The following ROBO2 variants were observed in gnomAD, a reference collection of about 807,000 sequenced individuals.
ROBO2 encodes roundabout guidance receptor 2.
ROBO2 carries 53 observed loss-of-function variants against 160.8 expected under a neutral mutation model. The ratio of observed to expected loss-of-function variants is 0.33; its 90% confidence interval spans 0.26 to 0.41. The LOEUF (loss-of-function observed/expected upper bound fraction) is 0.41. Among genes scored for constraint, ROBO2 ranks in the 10% least tolerant of loss-of-function variants. ROBO2 has a pLI of 1.00. For synonymous variants in ROBO2, 664 were observed against 611.7 expected (o/e 1.09, Z -1.26); for missense variants, 1,577 against 1,722.4 (o/e 0.92, Z 1.49).
chr3:76,677,449 C>T (rs768703853), intron 2 of ROBO2, among the ~76,000 whole-genome samples: 44 of 152,154 alleles, frequency 2.9e-4, no homozygotes, highest in Admixed American at 6.5e-4. Context: ...TTTCTCTAAA[C>T]GTCCCACATG....
chr3:77,123,699 ATG>A (rs1331129742), intron 2 of ROBO2, among the ~76,000 whole-genome samples: 5 of 148,310 alleles, frequency 3.4e-5, no homozygotes, highest in Admixed American at 6.8e-5. Flanking sequence ...ATATATATAT[ATG>A]TATCTATATA....
chr3:76,437,965 C>T (rs547893394), intron 2 of ROBO2, among the ~76,000 whole-genome samples: 8 of 152,226 alleles, frequency 5.3e-5, no homozygotes, highest in African/African-American at 1.9e-4. Flanking sequence ...AAAATGTAAG[C>T]GTGCTCTTGA....
intron 1 of ROBO2, among the ~76,000 whole-genome samples, chr3:77,044,058 T>C (rs978562426): frequency 3.9e-5 from 6 of 152,102 alleles, no homozygotes; most frequent in Admixed American, 3.3e-4. Context: ...TTTGAAGCTA[T>C]GCAGTAATAC....
At position 76,197,587 on chromosome 3, in the gene ROBO2, CATAAA is replaced by C. The variant is rs1234750246; in HGVS notation, c.109+259993_109+259997del. Among the ~76,000 whole-genome samples the C allele has an allele frequency of 2.6e-5, 4 of 152,112 alleles. No individual in the cohort carries two copies. The East Asian group carries it at 5.8e-4, about 22-fold the overall frequency. ...GGGACTGGATATAATATACTTTAAA[CATAAA>C]ATAAAATTATTGTTATTACCAGTAT... On this transcript the variant is annotated intron_variant, in intron 2 of 26. Coordinates refer to the ROBO2 transcript ENST00000487694.
At chr3:77,261,778 T>A (rs2058791401) in intron 2 of ROBO2, among the ~76,000 whole-genome samples, 1 of 151,806 alleles carries the variant, frequency 6.6e-6, no homozygotes, top group South Asian at 2.1e-4. Context: ...ATTTTTTTTT[T>A]TTTTTTTGTA....
At chr3:76,036,857 T>C (rs2067126402) in intron 2 of ROBO2, among the ~76,000 whole-genome samples, 1 of 152,210 alleles carries the variant, frequency 6.6e-6, no homozygotes, top group African/African-American at 2.4e-5. Flanking sequence ...TATTTATCCC[T>C]GTAGATCTCT....
In ROBO2 at chr3:75,958,305, A is replaced by G. The variant is rs541854673; in HGVS notation, c.109+20703A>G. On this transcript the variant is annotated intron_variant, in intron 2 of 26. Coordinates refer to the ROBO2 transcript ENST00000487694. ...CAATCACTCCTTTAGTTTTTCATTTATTTCACAAACATTCATTGACACTTA... is the reference window on the plus strand; with the variant it reads ...CAATCACTCCTTTAGTTTTTCATTTGTTTCACAAACATTCATTGACACTTA... 2.0e-5 allele frequency among the ~76,000 whole-genome samples: 3 copies of G among 151,854 alleles called. No individual in the cohort carries two copies. In the South Asian group the frequency reaches 6.2e-4, roughly 31 times the overall value.
At chr3:76,376,411 C>G (rs142692905) in intron 2 of ROBO2, among the ~76,000 whole-genome samples, 1 of 152,180 alleles carries the variant, frequency 6.6e-6, no homozygotes, top group African/African-American at 2.4e-5. Context: ...CCCAAGTCAT[C>G]TATTTGAACA....
At chr3:77,318,923 G>C (rs1054223076) in intron 2 of ROBO2, among the ~76,000 whole-genome samples, 7 of 152,130 alleles carry the variant, frequency 4.6e-5, no homozygotes, top group African/African-American at 1.7e-4. Flanking sequence ...TAGTGCATTT[G>C]AGACTCTTTT....
intron 2 of ROBO2, among the ~76,000 whole-genome samples, chr3:76,118,103 C>A (rs1012408340): frequency 4.6e-5 from 7 of 152,152 alleles, no homozygotes; most frequent in South Asian, 2.1e-4. Context: ...TGTAACAAAC[C>A]TGCACGTTGT....
intron 2 of ROBO2, among the ~76,000 whole-genome samples, chr3:76,654,929 T>TATATATATATATA (rs5850279): frequency 0.012 from 1,632 of 141,270 alleles, 18 homozygotes; most frequent in Non-Finnish European, 0.017. Context: ...ATATATATAT[T>TATATATATATATA]TATATATATA....
chr3:76,882,085 G>A (rs1331731544), intron 2 of ROBO2, among the ~76,000 whole-genome samples: 2 of 120,400 alleles, frequency 1.7e-5, no homozygotes, highest in Non-Finnish European at 3.5e-5. Flanking sequence ...TCGTAGGTTG[G>A]TTGTGTGTGT....
intron 1 of ROBO2, among the ~76,000 whole-genome samples, chr3:75,927,357 G>T (rs1308469498): frequency 6.6e-6 from 1 of 152,124 alleles, no homozygotes; most frequent in African/African-American, 2.4e-5. Context: ...AATTTCTGTT[G>T]TTAAATTTAC....
intron 2 of ROBO2, among the ~76,000 whole-genome samples, chr3:76,782,335 A>C (rs1420495574): frequency 6.6e-6 from 1 of 150,758 alleles, no homozygotes; most frequent in Non-Finnish European, 1.5e-5. Context: ...CTGTGTGAAC[A>C]TTCCATGTGA....
chr3:76,493,388 A>G (rs2079960009), intron 2 of ROBO2, among the ~76,000 whole-genome samples: 2 of 119,874 alleles, frequency 1.7e-5, no homozygotes, highest in African/African-American at 6.1e-5. Flanking sequence ...TGTACAAAAA[A>G]GATTTCATGT....
intron 2 of ROBO2, among the ~76,000 whole-genome samples, chr3:76,965,894 A>G (rs1427394063): frequency 2.0e-5 from 3 of 147,588 alleles, no homozygotes; most frequent in Non-Finnish European, 4.5e-5. Flanking sequence ...CTTTATTTTT[A>G]AATGATTTTT....
chr3:76,778,651 C>G (rs2108580394), intron 2 of ROBO2, among the ~76,000 whole-genome samples: 1 of 151,144 alleles, frequency 6.6e-6, no homozygotes, highest in Middle Eastern at 3.4e-3. Context: ...TCTGTTTTGG[C>G]TACTATTCTT....
At position 77,510,533 on chromosome 3, in the gene ROBO2, T is replaced by A. The variant is rs186162049; in HGVS notation, c.807-12242T>A. The stretch of plus-strand genomic sequence containing the variant: ...GAGACAATAATATCACTGGAGGAGG[T>A]TATAAGAATGAAGTGAGTTCAGCTA... On this transcript the variant is annotated intron_variant, in intron 5 of 25. Coordinates refer to ENST00000461745, the Ensembl canonical transcript of ROBO2. 2.0e-5 allele frequency among the ~76,000 whole-genome samples: 3 copies of A among 151,880 alleles called. No individual in the cohort carries two copies. The East Asian group carries it at 5.8e-4, about 30-fold the overall frequency.
At chr3:76,032,140 G>A (rs1418362113) in intron 2 of ROBO2, among the ~76,000 whole-genome samples, 1 of 152,162 alleles carries the variant, frequency 6.6e-6, no homozygotes, top group Non-Finnish European at 1.5e-5. Context: ...TAATTTATTT[G>A]CAGAGAGGTG....
Sources: gnomAD v4.1 joint callset for allele counts (sites outside exome capture counted in the v4.1 genomes callset) on GRCh38, gnomAD v4.1.1 for gene constraint, MANE v1.5 for transcripts, NCBI Gene and HGNC (gene_info 2026-07-23, HGNC 2026-07-21) for gene names.